Variants in TRIM2 observed in about 807,000 individuals in gnomAD.
TRIM2 encodes tripartite motif containing 2.
A neutral mutation model predicts 75.2 loss-of-function variants in TRIM2; 20 were observed. The ratio of observed to expected loss-of-function variants is 0.27; its 90% CI spans 0.19 to 0.39. The LOEUF (loss-of-function observed/expected upper bound fraction) is 0.39. Among genes scored for constraint, TRIM2 ranks in the 10% least tolerant of loss-of-function variants. TRIM2 has a pLI of 1.00. For missense variants in TRIM2, 660 were observed against 990.8 expected, an observed-to-expected ratio of 0.67 and a Z score of 4.48; for synonymous variants, 373 against 388.3, an observed-to-expected ratio of 0.96 and a Z score of 0.46.
At chr4:153,210,562 G>T (rs34472528) in intron 1 of TRIM2, among the ~76,000 whole-genome samples, 1 of 151,940 alleles carries the variant, frequency 6.6e-6, no homozygotes, top group African/African-American at 2.4e-5. Flanking sequence ...TGACATGCAG[G>T]TTATTCCACT....
Position 153,337,570 on chromosome 4 carries a change from A to C in TRIM2, c.*2604A>C, listed in dbSNP as rs991042923. The stretch of plus-strand genomic sequence containing the variant: ...TAGATAACATTTCACACTTGGATAC[A>C]TATGTGCATTTACTGTATTTCTTGG... On this transcript the variant is annotated 3_prime_UTR_variant, in exon 12 of 12. Coordinates refer to ENST00000338700, the MANE Select transcript of TRIM2 (RefSeq NM_015271.5). 3 of 985,724 alleles carry C rather than the reference A, an allele frequency of 3.0e-6. No individual in the cohort carries two copies. The highest frequency in any genetic ancestry group is 1.2e-6 in the Non-Finnish European group (1 of 829,938). 61.1% of individuals were successfully genotyped at this position (985,724 alleles called of 1,614,324 possible).
At chr4:153,323,233 A>G (rs560989821) in intron 9 of TRIM2, among the ~76,000 whole-genome samples, 1 of 152,334 alleles carries the variant, frequency 6.6e-6, no homozygotes, top group South Asian at 2.1e-4. Context: ...GGAGTCTAGA[A>G]TATTTGCTAG....
intron 1 of TRIM2, among the ~76,000 whole-genome samples, chr4:153,222,081 GAGA>G (rs1740719091): frequency 8.4e-5 from 9 of 106,750 alleles, no homozygotes; most frequent in South Asian, 3.4e-4. Flanking sequence ...AAGAAAGAGA[GAGA>G]GAGGAAGGGT....
At chr4:153,321,029 A>G (rs941585552) in intron 8 of TRIM2, among the ~76,000 whole-genome samples, 17 of 152,188 alleles carry the variant, frequency 1.1e-4, no homozygotes, top group Non-Finnish European at 2.2e-4. Context: ...CCCTGACTTA[A>G]CATACATTCC....
chr4:153,297,066 T>A lies in TRIM2; in HGVS notation c.1510+1030T>A, dbSNP rs75054961. Among the ~76,000 whole-genome samples, 1,066 of 152,304 alleles carry A rather than the reference T, an allele frequency of 7.0e-3. 14 individuals carry two copies. Among genetic ancestry groups the A allele is most frequent in the African/African-American group, 0.024 (1,006 of 41,546 alleles). ...GTCTCTGAGGCAGGAGAGGGATAGATAACAGGCAGCACATCCAAACTTCCA... is the reference window on the plus strand; with the variant it reads ...GTCTCTGAGGCAGGAGAGGGATAGAAAACAGGCAGCACATCCAAACTTCCA... On this transcript the variant is annotated intron_variant, in intron 6 of 11. Transcript: ENST00000338700.
intron 1 of TRIM2, among the ~76,000 whole-genome samples, chr4:153,167,616 C>A (rs1730446444): frequency 6.6e-6 from 1 of 152,206 alleles, no homozygotes; most frequent in Non-Finnish European, 1.5e-5. Flanking sequence ...TACCACCATA[C>A]TTAGAAATAG....
intron 6 of TRIM2, among the ~76,000 whole-genome samples, chr4:153,298,137 G>C (rs373947780): frequency 1.3e-5 from 2 of 152,172 alleles, no homozygotes; most frequent in East Asian, 1.9e-4. Context: ...TGATGTATTG[G>C]CACTGCTGGA....
intron 11 of TRIM2, among the ~76,000 whole-genome samples, chr4:153,329,338 T>C (rs1237238566): frequency 6.6e-6 from 1 of 151,884 alleles, no homozygotes; most frequent in African/African-American, 2.4e-5. Context: ...TCAAGGAAAA[T>C]TGTAAAATAT....
At chr4:153,236,081 G>A (rs908576120) in intron 1 of TRIM2, among the ~76,000 whole-genome samples, 1 of 151,916 alleles carries the variant, frequency 6.6e-6, no homozygotes, top group Non-Finnish European at 1.5e-5. Context: ...TAAGCATCTC[G>A]CATTTCTCCT....
chr4:153,295,612 G>C lies in TRIM2; in HGVS notation c.1086G>C (p.Leu362=). ...ASETVATGEG[L]RQTIIGQPMS... The stretch of plus-strand genomic sequence containing the variant: ...AGACAGTGGCCACGGGCGAGGGGCT[G>C]CGGCAGACCATCATCGGGCAGCCCA... The change falls in exon 6 of 12, where the codon CTG becomes CTC. Residue 362 remains leucine, a synonymous_variant. Coordinates refer to ENST00000338700, the MANE Select transcript of TRIM2 (RefSeq NM_015271.5). This position sits in a 1 kb window ranked among gnomAD's most constrained non-coding sequence, Gnocchi z 7.2. 1 of 1,614,044 alleles carries C rather than the reference G, an allele frequency of 6.2e-7. No individual in the cohort carries two copies. The highest frequency in any genetic ancestry group is 2.2e-5 in the East Asian group (1 of 44,860).
rs147973302 is a variant in TRIM2, at chr4:153,271,056, G to A, written c.215+537G>A. On this transcript the variant is annotated intron_variant, in intron 2 of 11. Coordinates refer to ENST00000338700, the MANE Select transcript of TRIM2 (RefSeq NM_015271.5). ...AAATTACCTGACTATGTAATTTGCT[G>A]TATGTGAAAACAGACTTCCTTATTT... Among the ~76,000 whole-genome samples, 404 of 152,250 alleles carry A rather than the reference G, an allele frequency of 2.7e-3. 3 individuals carry two copies. The highest frequency in any genetic ancestry group is 9.2e-3 in the African/African-American group (381 of 41,560).
intron 1 of TRIM2, among the ~76,000 whole-genome samples, chr4:153,266,205 A>T (rs1755010994): frequency 6.6e-6 from 1 of 152,154 alleles, no homozygotes; most frequent in African/African-American, 2.4e-5. Flanking sequence ...TCACTCTGTG[A>T]GTGCCCCAGG....
chr4:153,339,136 C>T lies in TRIM2; in HGVS notation c.*4170C>T, dbSNP rs551069175. The T allele has an allele frequency of 2.5e-5, 25 of 985,722 alleles. No individual in the cohort carries two copies. In the East Asian group the frequency reaches 4.5e-4, roughly 18 times the overall value. The allele number at this position is 985,722 out of a possible 1,614,324, so 61.1% of individuals were successfully genotyped here. On this transcript the variant is annotated 3_prime_UTR_variant, in exon 12 of 12. Transcript: ENST00000338700. ...CTGCCTATTTAAAGAAAAGAATGAACGCTGTGCATCAAAGTGTTTGTATGT... is the reference window on the plus strand; with the variant it reads ...CTGCCTATTTAAAGAAAAGAATGAATGCTGTGCATCAAAGTGTTTGTATGT...
rs1313870995 is a variant in TRIM2 at position 153,335,497 on chromosome 4, A to G, written c.*531A>G. On this transcript the variant is annotated 3_prime_UTR_variant, in exon 12 of 12. Transcript: ENST00000338700. ...AATATAAATTACTTTGGAAAAAGTA[A>G]GGCTGTCTTGCAAAATGATCCCAGC... The G allele has an allele frequency of 1.0e-6, 1 of 985,300 alleles. No homozygotes were observed. Among genetic ancestry groups the G allele is most frequent in the Non-Finnish European group, 1.2e-6 (1 of 829,942 alleles). The allele number at this position is 985,300 out of a possible 1,614,324, so 61.0% of individuals were successfully genotyped here. A position where few individuals can be genotyped will look rare whatever the true frequency, so the allele number is the denominator to read the frequency against.
chr4:153,273,538 C>T (rs1193660625), intron 2 of TRIM2, among the ~76,000 whole-genome samples: 2 of 150,838 alleles, frequency 1.3e-5, no homozygotes, highest in African/African-American at 4.9e-5. Flanking sequence ...CGTGATCCAC[C>T]CGCCTTGGCC....
intron 1 of TRIM2, chr4:153,257,459 A>C (rs1426516803): frequency 8.0e-7 from 1 of 1,244,484 alleles, no homozygotes; most frequent in African/African-American, 1.6e-5. Flanking sequence ...GGGGTCTTCC[A>C]CTTGTTAATG....
chr4:153,296,913 G>A (rs563832693), intron 6 of TRIM2, among the ~76,000 whole-genome samples: 59 of 152,246 alleles, frequency 3.9e-4, no homozygotes, highest in Non-Finnish European at 6.6e-4. Context: ...TATATTAGCT[G>A]GCACATGTAG....
chr4:153,243,114 G>A (rs1265980401), intron 1 of TRIM2, among the ~76,000 whole-genome samples: 1 of 152,214 alleles, frequency 6.6e-6, no homozygotes, highest in Non-Finnish European at 1.5e-5. Context: ...ACAGTCTTCT[G>A]CCTTCCTGCT....
intron 1 of TRIM2, among the ~76,000 whole-genome samples, chr4:153,198,991 G>A (rs1306516352): frequency 1.3e-5 from 2 of 152,220 alleles, no homozygotes; most frequent in Admixed American, 1.3e-4. Context: ...TCGAAATTTA[G>A]AAAGTAGTGA....
Sources: allele counts gnomAD v4.1 joint callset (sites outside exome capture counted in the v4.1 genomes callset), GRCh38; gene constraint gnomAD v4.1.1; non-coding constraint Gnocchi (gnomAD v3.1); transcripts MANE v1.5; gene names NCBI Gene and HGNC (gene_info 2026-07-23, HGNC 2026-07-21).